RPRD2: variants seen among roughly 807,000 people sequenced by gnomAD.
RPRD2 encodes regulation of nuclear pre-mRNA domain containing 2, also known as regulation of nuclear pre-mRNA domain-containing protein 2.
A neutral mutation model predicts 104.4 loss-of-function variants in RPRD2; 12 were observed. The observed-to-expected ratio is 0.11, with a 90% confidence interval of 0.07 to 0.19. The LOEUF is 0.19. Among genes scored for constraint, RPRD2 ranks in the 10% least tolerant of loss-of-function variants. RPRD2 has a pLI of 1.00. For missense variants in RPRD2, 1,543 were observed against 1,790.1 expected, an observed-to-expected ratio of 0.86 and a Z score of 2.49; for synonymous variants, 714 against 684.9, an observed-to-expected ratio of 1.04 and a Z score of -0.66.
intron 3 of RPRD2, 163 bp from the exon 4 acceptor site, chr1:150,441,718 C>T (rs957991806): frequency 1.8e-5 from 9 of 501,240 alleles, no homozygotes; most frequent in East Asian, 1.3e-4. Flanking sequence ...CTTCTTAGAT[C>T]GGGTAGGAAT....
At chr1:150,443,385 A>G in intron 5 of RPRD2, 102 bp downstream of exon 5, 1 of 865,946 alleles carries the variant, frequency 1.2e-6, no homozygotes, top group Non-Finnish European at 1.8e-6. Context: ...TCAATTACAC[A>G]TGTCATGTTT....
At chr1:150,409,091 T>G (rs1663711109) in intron 1 of RPRD2, 1 of 152,254 alleles carries the variant, frequency 6.6e-6, no homozygotes, top group Non-Finnish European at 1.5e-5. Flanking sequence ...ACCCGTCTCC[T>G]ACCAAGTTAA....
chr1:150,441,063 C>G (rs1274227143), intron 3 of RPRD2, 40 bp downstream of exon 3: 5 of 980,482 alleles, frequency 5.1e-6, no homozygotes, highest in Non-Finnish European at 6.2e-6. Flanking sequence ...ATTTTTGAGT[C>G]AGTCTTTACA....
rs1553888800 is a variant in RPRD2 at position 150,417,576 on chromosome 1, T to C, written c.206-20T>C. On this transcript the variant is annotated intron_variant, in intron 1 of 10. Coordinates refer to ENST00000369068, the MANE Select transcript of RPRD2 (RefSeq NM_015203.5). ...AAATTGACTCATTTGGTTTTATTTATTGTCTTTTGTCATCTCTAGCTGCAT... is the reference window on the plus strand; with the variant it reads ...AAATTGACTCATTTGGTTTTATTTACTGTCTTTTGTCATCTCTAGCTGCAT... 4.7e-6 allele frequency: 7 copies of C among 1,501,800 alleles called. No individual in the cohort carries two copies. In the South Asian group the frequency reaches 9.3e-5, roughly 20 times the overall value. 93.0% of individuals were successfully genotyped at this position (1,501,800 alleles called of 1,614,324 possible).
At chr1:150,373,532 A>AATTTTT (rs1572342696) in intron 1 of RPRD2, among the ~76,000 whole-genome samples, 1 of 44,942 alleles carries the variant, frequency 2.2e-5, no homozygotes, top group Non-Finnish European at 5.6e-5. Context: ...ATCAAGAATG[A>AATTTTT]CTTTTTTTTT....
intron 1 of RPRD2, among the ~76,000 whole-genome samples, chr1:150,384,683 T>TGTGTGTGTGTG (rs1560155301): frequency 2.3e-3 from 276 of 118,022 alleles, no homozygotes; most frequent in Non-Finnish European, 3.5e-3. Context: ...GTGTGTGTGT[T>TGTGTGTGTGTG]TTTAGTAGAG....
chr1:150,470,492 A>T, intron 10 of RPRD2, 69 bp from the exon 11 acceptor site: 1 of 1,466,666 alleles, frequency 6.8e-7, no homozygotes, highest in Non-Finnish European at 9.2e-7. Flanking sequence ...GTATCTGATT[A>T]GCCTACATTG....
At position 150,377,452 on chromosome 1, in the gene RPRD2, G is replaced by A. The variant is rs1033215399; in HGVS notation, c.205+12533G>A. Among the ~76,000 whole-genome samples, 7 of 151,850 alleles carry A rather than the reference G, an allele frequency of 4.6e-5. No individual in the cohort carries two copies. In the South Asian group the frequency reaches 6.2e-4, roughly 14 times the overall value. ...TCTCTACTAAAAATACAAAAAATTA[G>A]CCAGGCGTGGTGGCGGGCGCCTGTA... On this transcript the variant is annotated intron_variant, in intron 1 of 10. Coordinates refer to ENST00000369068, the MANE Select transcript of RPRD2 (RefSeq NM_015203.5).
intron 7 of RPRD2, among the ~76,000 whole-genome samples, chr1:150,454,083 A>G (rs1239517766): frequency 2.6e-5 from 4 of 152,076 alleles, no homozygotes; most frequent in Admixed American, 2.0e-4. Flanking sequence ...GCTTTTTCCA[A>G]GGTTTTCTGC....
chr1:150,420,262 T>C (rs2102285249), intron 2 of RPRD2, among the ~76,000 whole-genome samples: 1 of 152,228 alleles, frequency 6.6e-6, no homozygotes, highest in Non-Finnish European at 1.5e-5. Flanking sequence ...TTTTAAACCA[T>C]GTAAAGATAT....
At chr1:150,430,935 A>G (rs1307151837) in intron 2 of RPRD2, among the ~76,000 whole-genome samples, 1 of 152,184 alleles carries the variant, frequency 6.6e-6, no homozygotes, top group African/African-American at 2.4e-5. Flanking sequence ...CTCAAAAAAA[A>G]AAAGATAACA....
At chr1:150,435,791 G>C (rs1451657505) in intron 2 of RPRD2, among the ~76,000 whole-genome samples, 3 of 152,230 alleles carry the variant, frequency 2.0e-5, no homozygotes, top group African/African-American at 7.2e-5. Context: ...GATCACTCAT[G>C]AAGGTGGCTC....
In RPRD2 at chr1:150,475,168, G is replaced by C. The variant is rs952694696; in HGVS notation, c.*1834G>C. ...TACCATGACCTTACGTGTGGGATGGGGTATGTAGTGTAGCAAAGAAAAGAA... is the reference window on the plus strand; with the variant it reads ...TACCATGACCTTACGTGTGGGATGGCGTATGTAGTGTAGCAAAGAAAAGAA... On this transcript the variant is annotated 3_prime_UTR_variant, in exon 11 of 11. Coordinates refer to ENST00000369068, the MANE Select transcript of RPRD2 (RefSeq NM_015203.5). 6.6e-6 allele frequency: 1 copy of C among 152,006 alleles called. No individual in the cohort carries two copies. Among genetic ancestry groups the C allele is most frequent in the Non-Finnish European group, 1.5e-5 (1 of 68,028 alleles). The allele number at this position is 152,006 out of a possible 1,614,324, so 9.4% of individuals were successfully genotyped here.
chr1:150,439,184 C>G (rs1174223310), intron 2 of RPRD2, among the ~76,000 whole-genome samples: 3 of 152,096 alleles, frequency 2.0e-5, no homozygotes, highest in African/African-American at 7.2e-5. Flanking sequence ...AAAGAAAAAT[C>G]CACTCACTTT....
At chr1:150,374,403 C>T (rs782652457) in intron 1 of RPRD2, among the ~76,000 whole-genome samples, 1 of 152,162 alleles carries the variant, frequency 6.6e-6, no homozygotes, top group African/African-American at 2.4e-5. Flanking sequence ...AACCAGTAAA[C>T]GTGTTTCCCT....
At chr1:150,406,785 G>T (rs1553886599) in intron 1 of RPRD2, among the ~76,000 whole-genome samples, 1 of 152,172 alleles carries the variant, frequency 6.6e-6, no homozygotes, top group Admixed American at 6.5e-5. Context: ...CGTGATCTCG[G>T]CTCATTGCAA....
intron 1 of RPRD2, among the ~76,000 whole-genome samples, chr1:150,377,068 G>C (rs1421164754): frequency 6.6e-6 from 1 of 151,318 alleles, no homozygotes; most frequent in Non-Finnish European, 1.5e-5. Context: ...AAAATTAGCT[G>C]AGCGTGGTGG....
intron 7 of RPRD2, among the ~76,000 whole-genome samples, chr1:150,453,966 G>C (rs1281209901): frequency 2.0e-5 from 3 of 152,124 alleles, no homozygotes; most frequent in Non-Finnish European, 4.4e-5. Flanking sequence ...CCAGCTTCTG[G>C]AATGTAGATT....
intron 1 of RPRD2, among the ~76,000 whole-genome samples, chr1:150,369,441 A>AT (rs58054758): frequency 0.034 from 1,930 of 57,412 alleles, 216 homozygotes; most frequent in African/African-American, 0.04. Context: ...CACCTGGCTA[A>AT]TTTTTTTTTT....
Sources: allele counts gnomAD v4.1 joint callset (sites outside exome capture counted in the v4.1 genomes callset), GRCh38; gene constraint gnomAD v4.1.1; transcripts MANE v1.5; gene names NCBI Gene and HGNC (gene_info 2026-07-23, HGNC 2026-07-21).